The following NCOA7 variants were observed in gnomAD, a reference collection of about 807,000 sequenced individuals.
NCOA7 encodes the protein nuclear receptor coactivator 7, also known as 140 kDa estrogen receptor-associated protein.
Under a neutral mutation model 104.3 loss-of-function variants are expected in NCOA7, and 45 were observed. The observed-to-expected ratio is 0.43, with a 90% CI of 0.34 to 0.55. The LOEUF (loss-of-function observed/expected upper bound fraction) is 0.55, where lower values mean the gene tolerates loss of function less well. Among genes scored for constraint, NCOA7 ranks in the 20% least tolerant of loss-of-function variants. The pLI is 0.02. For missense variants in NCOA7, 1,041 were observed against 1,119.7 expected (o/e 0.93, Z 1.00); for synonymous variants, 398 against 402.3 (o/e 0.99, Z 0.13).
intron 3 of NCOA7, among the ~76,000 whole-genome samples, chr6:125,871,097 A>G (rs1782852389): frequency 6.6e-6 from 1 of 152,236 alleles, no homozygotes; most frequent in African/African-American, 2.4e-5. Flanking sequence ...CACTTGGCCA[A>G]CTTTTCCCTT....
chr6:125,906,473 C>T (rs1439810424), intron 10 of NCOA7, among the ~76,000 whole-genome samples: 1 of 152,054 alleles, frequency 6.6e-6, no homozygotes, highest in African/African-American at 2.4e-5. Flanking sequence ...CCCATTAAGC[C>T]CAAATAAGCA....
At chr6:125,829,023 A>G (rs1485084574) in intron 2 of NCOA7, among the ~76,000 whole-genome samples, 1 of 152,194 alleles carries the variant, frequency 6.6e-6, no homozygotes, top group East Asian at 1.9e-4. Flanking sequence ...AATAGAATGT[A>G]AAAATAATTA....
intron 3 of NCOA7, among the ~76,000 whole-genome samples, chr6:125,866,621 TGAGCAGATGGTA>T (rs889687727): frequency 7.9e-5 from 12 of 152,210 alleles, no homozygotes; most frequent in African/African-American, 2.7e-4. Context: ...GGTTACCTAG[TGAGCAGATGGTA>T]GACCAGGACT....
intron 12 of NCOA7, 89 bp downstream of exon 12, chr6:125,921,157 C>G: frequency 1.3e-6 from 2 of 1,502,862 alleles, no homozygotes; most frequent in Non-Finnish European, 1.8e-6. Flanking sequence ...TGCCTGTAAT[C>G]CTCACACTTT....
chr6:125,889,524 A>C lies in NCOA7; in HGVS notation c.1470A>C (p.Gln490His), dbSNP rs1177084719. 1.2e-6 allele frequency: 2 copies of C among 1,614,032 alleles called. No homozygotes were observed. Among genetic ancestry groups the C allele is most frequent in the East Asian group, 4.5e-5 (2 of 44,872 alleles). The change falls in exon 9 of 16, where the codon CAA becomes CAC. Residue 490 changes from glutamine (Q) to histidine (H), a missense_variant. By Grantham distance (24) the Gln-to-His change is conservative. Coordinates refer to ENST00000392477, the MANE Select transcript of NCOA7 (RefSeq NM_181782.5). ...TAGATTTAGAAACCTGTGAGAAGCA[A>C]GATATAATGCCAGAAGTGGACAAGC... Reference protein sequence around the residue: ...GALDLETCEKQDIMPEVDKQS... With the variant: ...GALDLETCEKHDIMPEVDKQS...
In NCOA7 at chr6:125,891,768, T is replaced by G. The variant is rs79426551; in HGVS notation, c.2096+958T>G. The stretch of plus-strand genomic sequence containing the variant: ...ATAAATTATAGTTTAATGTGAAAAA[T>G]AATAGGCTTTTTATTAATGAATTTG... On this transcript the variant is annotated intron_variant, in intron 10 of 15. Coordinates refer to ENST00000392477, the MANE Select transcript of NCOA7 (RefSeq NM_181782.5). 6.3e-3 allele frequency among the ~76,000 whole-genome samples: 965 copies of G among 152,242 alleles called. 4 individuals carry two copies. The highest frequency in any genetic ancestry group is 0.021 in the African/African-American group (880 of 41,536).
chr6:125,861,802 G>A (rs1380381229), intron 3 of NCOA7, among the ~76,000 whole-genome samples: 4 of 151,636 alleles, frequency 2.6e-5, no homozygotes, highest in South Asian at 2.1e-4. Flanking sequence ...TTTGGGAGGC[G>A]GAGGTGAGTG....
chr6:125,917,855 G>C (rs1430357631), intron 11 of NCOA7, among the ~76,000 whole-genome samples: 1 of 152,182 alleles, frequency 6.6e-6, no homozygotes, highest in East Asian at 1.9e-4. Flanking sequence ...CAAAGGAGAG[G>C]GTAGAGGAAC....
At chr6:125,844,586 G>A (rs146478507) in intron 2 of NCOA7, among the ~76,000 whole-genome samples, 22 of 152,216 alleles carry the variant, frequency 1.4e-4, no homozygotes, top group African/African-American at 5.3e-4. Context: ...TCATAAGTGG[G>A]GATTTTCAGT....
Position 125,863,361 on chromosome 6 carries a change from C to G in NCOA7, c.271+8121C>G, listed in dbSNP as rs552158032. The stretch of plus-strand genomic sequence containing the variant: ...CAAAAGCAACTGTATCTTAACAAGC[C>G]TGTTGTACTGTGTGTGAGCTTGAAC... On this transcript the variant is annotated intron_variant, in intron 3 of 15. Transcript: ENST00000392477. Among the ~76,000 whole-genome samples, 128 of 138,568 alleles carry G rather than the reference C, an allele frequency of 9.2e-4. 20 individuals carry two copies. The highest frequency in any genetic ancestry group is 2.8e-3 in the South Asian group (13 of 4,592). 90.9% of individuals were successfully genotyped at this position (138,568 alleles called of 152,430 possible). A position where few individuals can be genotyped will look rare whatever the true frequency, so the allele number is the denominator to read the frequency against.
intron 5 of NCOA7, among the ~76,000 whole-genome samples, chr6:125,878,921 CTT>C (rs1362388979): frequency 6.6e-6 from 1 of 152,220 alleles, no homozygotes; most frequent in Non-Finnish European, 1.5e-5. Flanking sequence ...GCTCACCTCT[CTT>C]TACAGTGCAG....
chr6:125,843,748 A>G (rs961355209), intron 2 of NCOA7, among the ~76,000 whole-genome samples: 1 of 151,972 alleles, frequency 6.6e-6, no homozygotes, highest in East Asian at 1.9e-4. Context: ...TATAGATGAG[A>G]TATATATTAC....
At chr6:125,859,928 C>T (rs1375322269) in intron 3 of NCOA7, among the ~76,000 whole-genome samples, 1 of 152,142 alleles carries the variant, frequency 6.6e-6, no homozygotes, top group Non-Finnish European at 1.5e-5. Context: ...CTAGAATTGC[C>T]TCATAACAAC....
At chr6:125,907,247 T>A (rs1786095482) in intron 10 of NCOA7, among the ~76,000 whole-genome samples, 1 of 152,182 alleles carries the variant, frequency 6.6e-6, no homozygotes. Flanking sequence ...GAACAAGCAT[T>A]TGCTGGCAGA....
Position 125,889,415 on chromosome 6 carries a change from T to C in NCOA7, c.1361T>C (p.Ile454Thr), listed in dbSNP as rs1414812746. ...PEERKKAESQ[I>T]NNSAVEMQVQ... is the part of the protein sequence containing the mutation. ...GAACGAAAGAAAGCTGAGTCACAAA[T>C]AAACAATTCTGCCGTGGAAATGCAG... The change falls in exon 9 of 16, where the codon ATA becomes ACA. Residue 454 changes from isoleucine (I) to threonine (T), a missense_variant. Ile to Thr is a moderately conservative substitution (Grantham distance 89, BLOSUM62 -1). This residue lies in a region of NCOA7 where 914 missense variants were observed against 942.7 expected (regional missense o/e 0.97). Coordinates refer to ENST00000392477, the MANE Select transcript of NCOA7 (RefSeq NM_181782.5). 1.2e-6 allele frequency: 2 copies of C among 1,613,908 alleles called. No homozygotes were observed. Among genetic ancestry groups the C allele is most frequent in the South Asian group, 1.1e-5 (1 of 91,042 alleles).
intron 2 of NCOA7, among the ~76,000 whole-genome samples, chr6:125,851,697 T>C (rs916750898): frequency 2.0e-5 from 3 of 152,214 alleles, no homozygotes; most frequent in Non-Finnish European, 4.4e-5. Flanking sequence ...TGTACTAATT[T>C]ATATTCCCAC....
intron 10 of NCOA7, among the ~76,000 whole-genome samples, chr6:125,905,437 T>G (rs1400664673): frequency 6.6e-6 from 1 of 152,048 alleles, no homozygotes; most frequent in Non-Finnish European, 1.5e-5. Flanking sequence ...AATTTTTGTA[T>G]TTTTAGAAGA....
In NCOA7 at chr6:125,854,998, C is replaced by T. The variant is rs1554269806; in HGVS notation, c.51-22C>T. ...GCAAATCATCTCTCCAATGTTTTTTCTTTTTTTTCCCTCTTTCCTAGACTG... is the reference window on the plus strand; with the variant it reads ...GCAAATCATCTCTCCAATGTTTTTTTTTTTTTTTCCCTCTTTCCTAGACTG... On this transcript the variant is annotated intron_variant, in intron 2 of 15. Transcript: ENST00000392477. 9 of 1,528,258 alleles carry T rather than the reference C, an allele frequency of 5.9e-6. No individual in the cohort carries two copies. In the Admixed American group the frequency reaches 8.0e-5, roughly 14 times the overall value. 94.7% of individuals were successfully genotyped at this position (1,528,258 alleles called of 1,614,324 possible). A position where few individuals can be genotyped will look rare whatever the true frequency, so the allele number is the denominator to read the frequency against.
intron 4 of NCOA7, among the ~76,000 whole-genome samples, chr6:125,876,407 C>T (rs189185341): frequency 1.3e-5 from 2 of 152,124 alleles, no homozygotes; most frequent in East Asian, 1.9e-4. Flanking sequence ...TAGAATAGTG[C>T]CTTACCTCAA....
Sources: allele counts gnomAD v4.1 joint callset (sites outside exome capture counted in the v4.1 genomes callset), GRCh38; gene constraint gnomAD v4.1.1; regional missense constraint gnomAD v4.1.1; transcripts MANE v1.5; gene names NCBI Gene and HGNC (gene_info 2026-07-23, HGNC 2026-07-21).